Variants in STK39 observed in about 807,000 individuals in gnomAD.
The protein encoded by STK39 is serine/threonine kinase 39.
Under a neutral mutation model 77.8 loss-of-function variants are expected in STK39, and 20 were observed. The ratio of observed to expected loss-of-function variants is 0.26; its 90% CI spans 0.18 to 0.37. The LOEUF is 0.37. Among genes scored for constraint, STK39 ranks in the 10% least tolerant of loss-of-function variants. The pLI, the probability that STK39 is intolerant of heterozygous loss-of-function variation, is 1.00. For synonymous variants in STK39, 246 were observed against 234.1 expected (o/e 1.05, Z -0.47); for missense variants, 479 against 656.5 (o/e 0.73, Z 2.95).
rs989974320 is a variant in STK39, at chr2:168,019,625, T to A, written c.1377-2530A>T. ...CTGCCCTGGAGGTGGAGTGTACCAT[T>A]CACAACAGTGCCTGCAGTGGGAGGA... On this transcript the variant is annotated intron_variant, in intron 14 of 17. Coordinates refer to ENST00000355999, the MANE Select transcript of STK39 (RefSeq NM_013233.3). Among the ~76,000 whole-genome samples, 6 of 152,290 alleles carry A rather than the reference T, an allele frequency of 3.9e-5. No individual in the cohort carries two copies. In the South Asian group the frequency reaches 8.3e-4, roughly 21 times the overall value.
chr2:168,141,597 G>A (rs1687986487), intron 5 of STK39, among the ~76,000 whole-genome samples: 1 of 152,198 alleles, frequency 6.6e-6, no homozygotes, highest in Admixed American at 6.5e-5. Flanking sequence ...TAGTTGATAA[G>A]TTAAAGTACC....
intron 10 of STK39, among the ~76,000 whole-genome samples, chr2:168,108,495 C>T (rs774543959): frequency 2.6e-5 from 4 of 151,990 alleles, no homozygotes; most frequent in Non-Finnish European, 5.9e-5. Flanking sequence ...GTGCAGTGAG[C>T]CATGACTGCA....
chr2:168,212,038 C>A (rs145412449), intron 1 of STK39, among the ~76,000 whole-genome samples: 1 of 152,306 alleles, frequency 6.6e-6, no homozygotes, highest in Non-Finnish European at 1.5e-5. Flanking sequence ...GAAACTAATA[C>A]CCAAAAGGAA....
At chr2:168,148,534 A>T (rs1227474971) in intron 5 of STK39, among the ~76,000 whole-genome samples, 1 of 152,212 alleles carries the variant, frequency 6.6e-6, no homozygotes, top group African/African-American at 2.4e-5. Flanking sequence ...GAGCAAGAAG[A>T]AGAGCAGAAA....
intron 5 of STK39, among the ~76,000 whole-genome samples, chr2:168,155,807 AGCTGAT>A (rs1467393565): frequency 2.0e-5 from 3 of 152,216 alleles, no homozygotes; most frequent in Non-Finnish European, 4.4e-5. Flanking sequence ...CTCCCTGCTA[AGCTGAT>A]ATATTCTTAC....
intron 10 of STK39, among the ~76,000 whole-genome samples, chr2:168,090,644 A>G (rs758722146): frequency 6.6e-6 from 1 of 152,210 alleles, no homozygotes; most frequent in Non-Finnish European, 1.5e-5. Context: ...ATATTAGTTG[A>G]ACAAGTCAAA....
At chr2:168,187,032 T>C (rs568016893) in intron 1 of STK39, among the ~76,000 whole-genome samples, 12 of 152,212 alleles carry the variant, frequency 7.9e-5, no homozygotes, top group Non-Finnish European at 1.2e-4. Context: ...TTGTCATGTA[T>C]AATGCACTTT....
Position 168,194,479 on chromosome 2 carries a change from T to C in STK39, c.209-12389A>G, listed in dbSNP as rs559152194. On this transcript the variant is annotated intron_variant, in intron 1 of 17. Transcript: ENST00000355999. ...AAAAATGAAGATTCAACATTCCCTC[T>C]ATCTCATAACATGTAAGTTTATTAT... 3.9e-5 allele frequency among the ~76,000 whole-genome samples: 6 copies of C among 152,260 alleles called. No individual in the cohort carries two copies. The South Asian group carries it at 1.2e-3, about 32-fold the overall frequency.
intron 1 of STK39, among the ~76,000 whole-genome samples, chr2:168,191,109 A>G (rs1040831877): frequency 6.6e-6 from 1 of 152,244 alleles, no homozygotes; most frequent in African/African-American, 2.4e-5. Context: ...AAGAAGAGCC[A>G]GTCCCTACTT....
At chr2:168,236,357 T>G (rs1019596126) in intron 1 of STK39, among the ~76,000 whole-genome samples, 1 of 152,226 alleles carries the variant, frequency 6.6e-6, no homozygotes, top group African/African-American at 2.4e-5. Context: ...ATTAGCCCTT[T>G]GTCAGATGAG....
intron 12 of STK39, among the ~76,000 whole-genome samples, chr2:168,067,797 C>G (rs578074734): frequency 3.3e-5 from 5 of 152,184 alleles, no homozygotes; most frequent in African/African-American, 1.2e-4. Context: ...TCCTTTTAAA[C>G]AATTTGCTAT....
chr2:168,061,866 G>T (rs1255965044), intron 14 of STK39, among the ~76,000 whole-genome samples: 1 of 152,180 alleles, frequency 6.6e-6, no homozygotes, highest in Non-Finnish European at 1.5e-5. Flanking sequence ...AGGTTCAGTA[G>T]TACGTGTTTT....
At chr2:168,059,805 C>T (rs937203531) in intron 14 of STK39, among the ~76,000 whole-genome samples, 1 of 152,218 alleles carries the variant, frequency 6.6e-6, no homozygotes, top group Non-Finnish European at 1.5e-5. Flanking sequence ...ATCCCCCTCA[C>T]TTTCTATCCT....
rs903686122 is a variant in STK39 at position 168,102,855 on chromosome 2, G to A, written c.1089+26686C>T. 3.3e-5 allele frequency among the ~76,000 whole-genome samples: 5 copies of A among 150,372 alleles called. No homozygotes were observed. In the East Asian group the frequency reaches 9.8e-4, roughly 30 times the overall value. ...TGAGGCAGGAGAATGGCATGAACCT[G>A]GGAGGCGGAGCTTGTAGTGAGCCGA... On this transcript the variant is annotated intron_variant, in intron 10 of 17. Coordinates refer to ENST00000355999, the MANE Select transcript of STK39 (RefSeq NM_013233.3).
chr2:168,056,727 C>A (rs1170036981), intron 14 of STK39, among the ~76,000 whole-genome samples: 4 of 152,142 alleles, frequency 2.6e-5, no homozygotes, highest in African/African-American at 9.7e-5. Context: ...TGTACAAATG[C>A]ATTCACATAT....
intron 3 of STK39, among the ~76,000 whole-genome samples, chr2:168,167,046 T>C (rs1308652836): frequency 6.6e-6 from 1 of 152,036 alleles, no homozygotes; most frequent in Non-Finnish European, 1.5e-5. Flanking sequence ...GGGGGCTGCC[T>C]CTCAGCCTAG....
At chr2:168,079,921 ACAT>A (rs1559087004) in intron 10 of STK39, among the ~76,000 whole-genome samples, 3,017 of 152,282 alleles carry the variant, frequency 0.02, 104 homozygotes, top group African/African-American at 0.069. Flanking sequence ...GACACATGTA[ACAT>A]GTGTCCATGG....
intron 1 of STK39, among the ~76,000 whole-genome samples, chr2:168,211,389 T>A (rs187594409): frequency 6.6e-6 from 1 of 152,318 alleles, no homozygotes; most frequent in East Asian, 1.9e-4. Context: ...CAGCACACAT[T>A]CATCAGGTAC....
intron 2 of STK39, among the ~76,000 whole-genome samples, chr2:168,170,802 G>A (rs1372926920): frequency 6.6e-6 from 1 of 152,212 alleles, no homozygotes; most frequent in Non-Finnish European, 1.5e-5. Flanking sequence ...TCTAACTGGA[G>A]GAGAGGGGTA....
Sources: gnomAD v4.1 joint callset for allele counts (sites outside exome capture counted in the v4.1 genomes callset) on GRCh38, gnomAD v4.1.1 for gene constraint, MANE v1.5 for transcripts, NCBI Gene and HGNC (gene_info 2026-07-23, HGNC 2026-07-21) for gene names.